PRKN: variants seen among roughly 807,000 people sequenced by gnomAD.
The protein encoded by PRKN is E3 ubiquitin-protein ligase parkin.
In PRKN, 56 loss-of-function variants were observed where a neutral mutation model predicts 59.5. That is an observed-to-expected ratio of 0.94 (90% confidence interval 0.76 to 1.18). The LOEUF is 1.18. Ranked by LOEUF, PRKN falls within the 50% of genes most tolerant of loss-of-function variation. The probability of loss-of-function intolerance (pLI) is 0.00; values close to 1 mark genes in which losing one functional copy is unlikely to be tolerated. For missense variants in PRKN, 657 were observed against 596.4 expected, an observed-to-expected ratio of 1.10 and a Z score of -1.06; for synonymous variants, 250 against 222.1, an observed-to-expected ratio of 1.13 and a Z score of -1.12.
chr6:161,640,898 G>A (rs111567152), intron 7 of PRKN, among the ~76,000 whole-genome samples: 1 of 152,364 alleles, frequency 6.6e-6, no homozygotes, highest in Non-Finnish European at 1.5e-5. Context: ...TAACTTTATA[G>A]GAAGGGTACG....
chr6:162,010,341 A>T (rs1220435636), intron 5 of PRKN, among the ~76,000 whole-genome samples: 2 of 123,374 alleles, frequency 1.6e-5, no homozygotes, highest in Non-Finnish European at 3.2e-5. Context: ...ATAATATATA[A>T]ATAATATACA....
chr6:161,866,537 T>C (rs888370562), intron 6 of PRKN, among the ~76,000 whole-genome samples: 1 of 151,940 alleles, frequency 6.6e-6, no homozygotes, highest in Non-Finnish European at 1.5e-5. Context: ...ATCGCACCAC[T>C]GCACTCTAGC....
At chr6:162,425,719 T>A (rs544862271) in intron 2 of PRKN, among the ~76,000 whole-genome samples, 1 of 152,058 alleles carries the variant, frequency 6.6e-6, no homozygotes, top group Admixed American at 6.5e-5. Flanking sequence ...GATGAAGAAC[T>A]TAGAGAGGAA....
chr6:162,614,824 A>G (rs534248776), intron 1 of PRKN, among the ~76,000 whole-genome samples: 1 of 152,300 alleles, frequency 6.6e-6, no homozygotes, highest in East Asian at 1.9e-4. Context: ...CCATATACAC[A>G]GTTTAGTTGG....
intron 5 of PRKN, among the ~76,000 whole-genome samples, chr6:162,009,324 T>C (rs943085924): frequency 4.6e-5 from 7 of 151,618 alleles, no homozygotes; most frequent in Non-Finnish European, 1.0e-4. Flanking sequence ...AGTGGAAATT[T>C]TGACATAAAA....
intron 5 of PRKN, among the ~76,000 whole-genome samples, chr6:161,984,967 C>G (rs771500723): frequency 6.6e-6 from 1 of 152,068 alleles, no homozygotes; most frequent in Non-Finnish European, 1.5e-5. Flanking sequence ...GAAACTGGAT[C>G]GGGATTACAC....
At chr6:162,680,327 T>C (rs1427540498) in intron 1 of PRKN, among the ~76,000 whole-genome samples, 1 of 150,944 alleles carries the variant, frequency 6.6e-6, no homozygotes, top group Admixed American at 6.6e-5. Flanking sequence ...ACAGATATAT[T>C]TATATGTACT....
chr6:162,113,636 T>G (rs955446847), intron 4 of PRKN, among the ~76,000 whole-genome samples: 1 of 152,200 alleles, frequency 6.6e-6, no homozygotes, highest in Non-Finnish European at 1.5e-5. Flanking sequence ...AAATACTTAC[T>G]CCTTTTGCTT....
intron 4 of PRKN, among the ~76,000 whole-genome samples, chr6:162,134,481 A>C (rs1358520079): frequency 6.6e-6 from 1 of 152,208 alleles, no homozygotes; most frequent in Non-Finnish European, 1.5e-5. Flanking sequence ...TTTCAGAGCT[A>C]GGGAGGTGGC....
rs1782956666 is a variant in PRKN at position 162,627,874 on chromosome 6, C to T, written c.7+99788G>A. Among the ~76,000 whole-genome samples the T allele has an allele frequency of 2.0e-5, 3 of 151,984 alleles. No homozygotes were observed. In the South Asian group the frequency reaches 6.2e-4, roughly 32 times the overall value. Reference sequence around the variant, plus strand: ...TTGTAGTTGAGGCCAGGTCAAGAGTCTAAGATGCCACTGTATAGGATATAG... The same window carrying T: ...TTGTAGTTGAGGCCAGGTCAAGAGTTTAAGATGCCACTGTATAGGATATAG... On this transcript the variant is annotated intron_variant, in intron 1 of 11. Transcript: ENST00000366898.
At chr6:161,611,935 A>C (rs1376363792) in intron 7 of PRKN, among the ~76,000 whole-genome samples, 5 of 152,344 alleles carry the variant, frequency 3.3e-5, no homozygotes, top group Middle Eastern at 6.8e-3. Flanking sequence ...TAAGAAAGCA[A>C]ACAGCCTTAT....
chr6:161,442,328 C>CA lies in PRKN; in HGVS notation c.1084-55452dup, dbSNP rs151104042. Reference sequence around the variant, plus strand: ...AAGTAAAAACATAAAATGATTAGCACAAAAAATACACCATGAAATGAGTTT... The same window carrying CA: ...AAGTAAAAACATAAAATGATTAGCACAAAAAAATACACCATGAAATGAGTTT... On this transcript the variant is annotated intron_variant, in intron 9 of 11. Transcript: ENST00000366898. The surrounding 1 kb of genome is among the most constrained non-coding windows in gnomAD (Gnocchi z 4.6). 6.3e-3 allele frequency among the ~76,000 whole-genome samples: 963 copies of CA among 152,212 alleles called. 14 individuals are homozygous for CA. Among genetic ancestry groups the CA allele is most frequent in the East Asian group, 0.056 (292 of 5,178 alleles).
At chr6:161,788,606 T>C (rs1336021249) in intron 6 of PRKN, among the ~76,000 whole-genome samples, 2 of 149,546 alleles carry the variant, frequency 1.3e-5, no homozygotes, top group African/African-American at 2.6e-5. Flanking sequence ...ATAGGAGAAA[T>C]TGGCACCAGG....
At chr6:162,434,988 C>A (rs1400802915) in intron 2 of PRKN, among the ~76,000 whole-genome samples, 1 of 152,180 alleles carries the variant, frequency 6.6e-6, no homozygotes, top group African/African-American at 2.4e-5. Context: ...TTAAATTCTT[C>A]CCTAAAGGAT....
chr6:162,665,323 A>C (rs976513085), intron 1 of PRKN, among the ~76,000 whole-genome samples: 3 of 152,146 alleles, frequency 2.0e-5, no homozygotes. Context: ...CTGATAAGTA[A>C]CTTCAGCAAA....
At position 161,561,279 on chromosome 6, in the gene PRKN, T is replaced by C. The variant is rs148080530; in HGVS notation, c.933+8076A>G. Among the ~76,000 whole-genome samples the C allele has an allele frequency of 2.0e-5, 3 of 152,332 alleles. No individual in the cohort carries two copies. Among genetic ancestry groups the C allele is most frequent in the East Asian group, 3.9e-4 (2 of 5,188 alleles). On this transcript the variant is annotated intron_variant, in intron 8 of 11. Transcript: ENST00000366898. The surrounding 1 kb of genome is among the most constrained non-coding windows in gnomAD (Gnocchi z 5.0). ...AATTAGGATAACAGTGAAGTAGTTA[T>C]AGAAGAAAATGAATTTATTACTTTT...
chr6:162,316,565 C>T (rs1416395405), intron 2 of PRKN, among the ~76,000 whole-genome samples: 1 of 152,036 alleles, frequency 6.6e-6, no homozygotes, highest in African/African-American at 2.4e-5. Context: ...CGACAAACAG[C>T]CAAAAATTTT....
At chr6:162,687,463 C>T (rs1777613675) in intron 1 of PRKN, among the ~76,000 whole-genome samples, 1 of 151,960 alleles carries the variant, frequency 6.6e-6, no homozygotes, top group Non-Finnish European at 1.5e-5. Context: ...GGATTACCGT[C>T]GTAAGCCACC....
At chr6:162,629,460 C>T (rs1034030558) in intron 1 of PRKN, among the ~76,000 whole-genome samples, 7 of 151,908 alleles carry the variant, frequency 4.6e-5, no homozygotes, top group Non-Finnish European at 1.0e-4. Flanking sequence ...TAACTATGTA[C>T]AAAACAAGTT....
Sources: gnomAD v4.1 joint callset for allele counts (sites outside exome capture counted in the v4.1 genomes callset) on GRCh38, gnomAD v4.1.1 for gene constraint, Gnocchi (gnomAD v3.1) non-coding constraint, MANE v1.5 for transcripts, NCBI Gene and HGNC (gene_info 2026-07-23, HGNC 2026-07-21) for gene names.